SHANK2: variants seen among roughly 807,000 people sequenced by gnomAD.
SHANK2 encodes SH3 and multiple ankyrin repeat domains 2.
In SHANK2, 43 loss-of-function variants were observed where a neutral mutation model predicts 133.7. That is an observed-to-expected ratio of 0.32 (90% CI 0.25 to 0.41). The LOEUF is 0.41. SHANK2 is among the 10% of genes least tolerant of loss of function. SHANK2 has a pLI of 1.00. For synonymous variants in SHANK2, 1,017 were observed against 952.8 expected, an observed-to-expected ratio of 1.07 and a Z score of -1.24; for missense variants, 1,994 against 2,235.8, an observed-to-expected ratio of 0.89 and a Z score of 2.18.
At chr11:70,709,140 G>GTTTGAGGC (rs1352618835) in intron 14 of SHANK2, among the ~76,000 whole-genome samples, 1 of 152,258 alleles carries the variant, frequency 6.6e-6, no homozygotes, top group African/African-American at 2.4e-5. Flanking sequence ...GAGCCTGGGA[G>GTTTGAGGC]TTTGAGGCTA....
At chr11:71,066,790 A>T (rs1490560189) in intron 9 of SHANK2, among the ~76,000 whole-genome samples, 1 of 152,172 alleles carries the variant, frequency 6.6e-6, no homozygotes, top group Non-Finnish European at 1.5e-5. Context: ...CGCTTGTGTC[A>T]TTGGGACAGG....
intron 9 of SHANK2, among the ~76,000 whole-genome samples, chr11:71,068,442 T>C (rs1368242978): frequency 6.6e-6 from 1 of 152,200 alleles, no homozygotes; most frequent in African/African-American, 2.4e-5. Context: ...ATAAAGTGCC[T>C]TTGCTTGACA....
intron 1 of SHANK2, among the ~76,000 whole-genome samples, chr11:71,245,669 C>T (rs1168903610): frequency 2.6e-5 from 4 of 152,192 alleles, no homozygotes; most frequent in Non-Finnish European, 4.4e-5. Context: ...ACACGACCTT[C>T]GGCAAGTTCA....
chr11:71,124,128 A>C (rs1952130266), intron 3 of SHANK2, among the ~76,000 whole-genome samples: 1 of 77,602 alleles, frequency 1.3e-5, no homozygotes, highest in African/African-American at 5.1e-5. Context: ...GGTGATGGTG[A>C]TTGATGGTGA....
At chr11:70,660,270 T>C (rs1314680360) in intron 16 of SHANK2, among the ~76,000 whole-genome samples, 3 of 152,188 alleles carry the variant, frequency 2.0e-5, no homozygotes, top group African/African-American at 7.2e-5. Context: ...TGACTAAACA[T>C]TTTCGGTTCT....
chr11:71,056,016 C>T (rs1389177027), intron 10 of SHANK2, among the ~76,000 whole-genome samples: 2 of 152,136 alleles, frequency 1.3e-5, no homozygotes, highest in Admixed American at 1.3e-4. Context: ...TTGTGCATTA[C>T]ACCACAGAAC....
At chr11:70,840,057 G>A (rs1450366644) in intron 11 of SHANK2, among the ~76,000 whole-genome samples, 4 of 152,214 alleles carry the variant, frequency 2.6e-5, no homozygotes, top group Non-Finnish European at 4.4e-5. Context: ...GAAGGCAGAG[G>A]GCGTGGGGCC....
intron 12 of SHANK2, among the ~76,000 whole-genome samples, chr11:70,812,702 C>T (rs1294006068): frequency 3.9e-5 from 6 of 152,212 alleles, no homozygotes; most frequent in Admixed American, 2.6e-4. Flanking sequence ...AGGGCTGCCC[C>T]GCTCAGGAGA....
At chr11:70,855,641 A>G (rs79429778) in intron 11 of SHANK2, among the ~76,000 whole-genome samples, 5,607 of 152,368 alleles carry the variant, frequency 0.037, 297 homozygotes, top group African/African-American at 0.13. Context: ...ACGCTAAACC[A>G]GCAGACCCTG....
At chr11:71,220,402 G>A (rs1206789534) in intron 2 of SHANK2, among the ~76,000 whole-genome samples, 1 of 152,130 alleles carries the variant, frequency 6.6e-6, no homozygotes, top group African/African-American at 2.4e-5. Context: ...AAAACCATAT[G>A]AACCTGCCAT....
At chr11:70,845,946 C>T (rs1288533814) in intron 11 of SHANK2, among the ~76,000 whole-genome samples, 1 of 152,156 alleles carries the variant, frequency 6.6e-6, no homozygotes, top group African/African-American at 2.4e-5. Context: ...CAGAGGAAAG[C>T]ACCCCAGAGA....
At chr11:70,841,750 C>T (rs1312638236) in intron 11 of SHANK2, among the ~76,000 whole-genome samples, 4 of 152,200 alleles carry the variant, frequency 2.6e-5, no homozygotes, top group African/African-American at 9.7e-5. Context: ...CGTGACTGCT[C>T]CTCCTGCCTG....
chr11:71,212,583 G>C (rs1954305589), intron 2 of SHANK2, among the ~76,000 whole-genome samples: 1 of 152,188 alleles, frequency 6.6e-6, no homozygotes, highest in Non-Finnish European at 1.5e-5. Context: ...CCACGAGAAA[G>C]GGCTGTCATT....
intron 11 of SHANK2, among the ~76,000 whole-genome samples, chr11:70,825,547 G>T (rs937985723): frequency 6.6e-6 from 1 of 152,174 alleles, no homozygotes; most frequent in Non-Finnish European, 1.5e-5. Flanking sequence ...TCTCACCGGT[G>T]ACATCAGTGT....
At chr11:70,628,386 G>A (rs1410112917) in intron 17 of SHANK2, among the ~76,000 whole-genome samples, 1 of 152,176 alleles carries the variant, frequency 6.6e-6, no homozygotes, top group Admixed American at 6.5e-5. Context: ...GTCGGGGGCG[G>A]AGAGGGCAGT....
intron 17 of SHANK2, 130 bp downstream of exon 17, chr11:70,659,698 T>G (rs955025238): frequency 8.8e-6 from 10 of 1,141,206 alleles, no homozygotes; most frequent in Non-Finnish European, 1.3e-5. Context: ...AACTGACCAA[T>G]GAAAGTTCAT....
chr11:71,082,015 G>C (rs1386999482), intron 8 of SHANK2, among the ~76,000 whole-genome samples: 2 of 152,212 alleles, frequency 1.3e-5, no homozygotes, highest in African/African-American at 4.8e-5. Context: ...CTCGGTCCCA[G>C]TTCCAAGGCT....
chr11:70,658,597 T>C (rs1555012360), intron 17 of SHANK2, among the ~76,000 whole-genome samples: 2 of 152,242 alleles, frequency 1.3e-5, no homozygotes, highest in African/African-American at 4.8e-5. Context: ...TTTAAGCACC[T>C]GCTCCATCTT....
At chr11:70,755,977 C>T (rs535429033) in intron 14 of SHANK2, among the ~76,000 whole-genome samples, 1 of 152,318 alleles carries the variant, frequency 6.6e-6, no homozygotes, top group African/African-American at 2.4e-5. Flanking sequence ...AAGCCTATGA[C>T]TTAGCCGCTT....
Sources: gnomAD v4.1 joint callset for allele counts (sites outside exome capture counted in the v4.1 genomes callset) on GRCh38, gnomAD v4.1.1 for gene constraint, MANE v1.5 for transcripts, NCBI Gene and HGNC (gene_info 2026-07-23, HGNC 2026-07-21) for gene names.